The following GPHN variants were observed in gnomAD, a reference collection of about 807,000 sequenced individuals.
The protein encoded by GPHN is gephyrin.
GPHN carries 17 observed loss-of-function variants against 95.5 expected under a neutral mutation model. The observed-to-expected ratio is 0.18, with a 90% CI of 0.12 to 0.27. The LOEUF (loss-of-function observed/expected upper bound fraction) is 0.27, where lower values mean the gene tolerates loss of function less well. GPHN is among the 10% of genes least tolerant of loss of function. The pLI, the probability that GPHN is intolerant of heterozygous loss-of-function variation, is 1.00. For missense variants in GPHN, 660 were observed against 978.1 expected, an observed-to-expected ratio of 0.67 and a Z score of 4.34; for synonymous variants, 320 against 322.5, an observed-to-expected ratio of 0.99 and a Z score of 0.08.
intron 4 of GPHN, among the ~76,000 whole-genome samples, chr14:66,860,707 A>G (rs1167794756): frequency 1.3e-5 from 2 of 152,078 alleles, no homozygotes; most frequent in African/African-American, 4.8e-5. Flanking sequence ...AATAAGACAT[A>G]AAGAGACACA....
intron 8 of GPHN, among the ~76,000 whole-genome samples, chr14:66,928,213 T>C (rs867988566): frequency 2.0e-5 from 3 of 152,204 alleles, no homozygotes; most frequent in Non-Finnish European, 4.4e-5. Context: ...TCATTACTTA[T>C]TGCTGTATTC....
the GPHN span, among the ~76,000 whole-genome samples, chr14:67,675,673 A>G: frequency 6.6e-6 from 1 of 152,182 alleles, no homozygotes; most frequent in Non-Finnish European, 1.5e-5. Flanking sequence ...TGAATAAAAC[A>G]TTTAATCTCT....
the GPHN span, chr14:67,648,059 A>T: frequency 1.2e-6 from 2 of 1,612,322 alleles, no homozygotes; most frequent in Non-Finnish European, 1.7e-6. Context: ...GACAAAGACC[A>T]ATCCATTTGA....
chr14:66,924,599 C>A (rs1384717537), intron 8 of GPHN, among the ~76,000 whole-genome samples: 5 of 152,158 alleles, frequency 3.3e-5, no homozygotes, highest in African/African-American at 1.2e-4. Flanking sequence ...CATCAGATAT[C>A]TTTAAATAAA....
chr14:66,520,877 G>T (rs1206446100), intron 1 of GPHN, among the ~76,000 whole-genome samples: 1 of 151,824 alleles, frequency 6.6e-6, no homozygotes, highest in Non-Finnish European at 1.5e-5. Context: ...CCCTCAAGCA[G>T]GCCCCAGTGT....
At chr14:66,887,998 T>C (rs181082404) in intron 5 of GPHN, among the ~76,000 whole-genome samples, 1 of 152,218 alleles carries the variant, frequency 6.6e-6, no homozygotes, top group Non-Finnish European at 1.5e-5. Context: ...TGGACACAGC[T>C]GAGGAAATAA....
At chr14:67,338,805 A>G in the GPHN span, 1 of 1,538,900 alleles carries the variant, frequency 6.5e-7, no homozygotes. Context: ...ACACTGTTTC[A>G]ATATTAAGTA....
the GPHN span, among the ~76,000 whole-genome samples, chr14:67,214,612 T>C: frequency 6.6e-6 from 1 of 152,178 alleles, no homozygotes; most frequent in Non-Finnish European, 1.5e-5. Context: ...TGCCTCCAGC[T>C]TTGTTCTTTT....
At chr14:66,681,622 C>T (rs2066935607) in intron 2 of GPHN, among the ~76,000 whole-genome samples, 1 of 151,938 alleles carries the variant, frequency 6.6e-6, no homozygotes, top group Non-Finnish European at 1.5e-5. Context: ...AGATATATTT[C>T]TGATGTTTTA....
At chr14:67,059,563 G>A (rs114938308) in intron 11 of GPHN, among the ~76,000 whole-genome samples, 6,072 of 152,226 alleles carry the variant, frequency 0.04, 174 homozygotes, top group African/African-American at 0.078. Flanking sequence ...GAACAGTAGA[G>A]AGCACAAACA....
At chr14:67,518,328 T>A in the GPHN span, among the ~76,000 whole-genome samples, 1 of 152,234 alleles carries the variant, frequency 6.6e-6, no homozygotes, top group Non-Finnish European at 1.5e-5. Context: ...CATTTAACTT[T>A]TCTCAGCCTA....
At chr14:66,862,099 A>G (rs1314264160) in intron 4 of GPHN, among the ~76,000 whole-genome samples, 2 of 152,014 alleles carry the variant, frequency 1.3e-5, no homozygotes, top group African/African-American at 2.4e-5. Flanking sequence ...TAACCAGAAT[A>G]ACTAAGAAAA....
rs376462086 is a variant in GPHN, at chr14:66,733,488, T to C, written c.144-42976T>C. Reference sequence around the variant, plus strand: ...CTATTTATATAAATCCAATAAAATATATGAATTTTGATTACAAATGCTAAT... The same window carrying C: ...CTATTTATATAAATCCAATAAAATACATGAATTTTGATTACAAATGCTAAT... On this transcript the variant is annotated intron_variant, in intron 2 of 22. Coordinates refer to ENST00000478722, the MANE Select transcript of GPHN (RefSeq NM_020806.5). 3.5e-3 allele frequency among the ~76,000 whole-genome samples: 536 copies of C among 152,234 alleles called. 1 individual carries two copies. The highest frequency in any genetic ancestry group is 0.012 in the African/African-American group (500 of 41,536).
At chr14:66,825,967 T>C (rs1247591853) in intron 4 of GPHN, among the ~76,000 whole-genome samples, 1 of 152,228 alleles carries the variant, frequency 6.6e-6, no homozygotes, top group East Asian at 1.9e-4. Flanking sequence ...TGTAAGAACA[T>C]TGACTACTTA....
the GPHN span, among the ~76,000 whole-genome samples, chr14:67,247,420 A>ATTT: frequency 2.0e-5 from 3 of 151,580 alleles, no homozygotes; most frequent in Non-Finnish European, 2.9e-5. Context: ...TATTTTAGTA[A>ATTT]TTTTTTTTGG....
the GPHN span, among the ~76,000 whole-genome samples, chr14:67,300,588 A>G: frequency 6.6e-6 from 1 of 152,120 alleles, no homozygotes; most frequent in South Asian, 2.1e-4. Flanking sequence ...TTGGCTTCCC[A>G]AAGTGCTGGG....
chr14:67,020,911 T>C (rs556417009), intron 9 of GPHN, among the ~76,000 whole-genome samples: 229 of 152,116 alleles, frequency 1.5e-3, no homozygotes, highest in Middle Eastern at 3.4e-3. Context: ...TTTTTTCCCA[T>C]AGAGTAAAGC....
At chr14:67,695,750 C>T in the GPHN span, 2 of 1,570,096 alleles carry the variant, frequency 1.3e-6, no homozygotes, top group African/African-American at 1.4e-5. Flanking sequence ...CAGCGTTGCT[C>T]GCCGACTATG....
rs879587419 is a variant in GPHN at position 66,845,853 on chromosome 14, G to GTC, written c.294+21288_294+21289insCT. ...TGTGTGTGTGTGTGTGTGTGTGTGT[G>GTC]TGTGTGTCTGTGTGCGTGCGCACAC... On this transcript the variant is annotated intron_variant, in intron 4 of 22. Transcript: ENST00000478722. Among the ~76,000 whole-genome samples, 370 of 151,456 alleles carry GTC rather than the reference G, an allele frequency of 2.4e-3. 2 individuals are homozygous for GTC. The highest frequency in any genetic ancestry group is 3.8e-3 in the Non-Finnish European group (256 of 67,766).
Sources: allele counts gnomAD v4.1 joint callset (sites outside exome capture counted in the v4.1 genomes callset), GRCh38; gene constraint gnomAD v4.1.1; transcripts MANE v1.5; gene names NCBI Gene and HGNC (gene_info 2026-07-23, HGNC 2026-07-21).